The following DTNB variants were observed in gnomAD, a reference collection of about 807,000 sequenced individuals.
DTNB encodes dystrobrevin beta, also known as DTN-B.
Under a neutral mutation model 90.7 loss-of-function variants are expected in DTNB, and 63 were observed. The ratio of observed to expected loss-of-function variants is 0.69; its 90% CI spans 0.57 to 0.86. The LOEUF is 0.86. Ranked by LOEUF, DTNB falls within the 40% of genes least tolerant of loss-of-function variation. The pLI is 0.00. For synonymous variants in DTNB, 277 were observed against 286.7 expected (o/e 0.97, Z 0.34); for missense variants, 744 against 807.1 (o/e 0.92, Z 0.95).
intron 6 of DTNB, among the ~76,000 whole-genome samples, chr2:25,589,384 T>C (rs1318490802): frequency 4.1e-5 from 5 of 121,244 alleles, no homozygotes; most frequent in African/African-American, 1.6e-4. Flanking sequence ...TTTTTTTTTT[T>C]TTTTTTTTTT....
At position 25,432,877 on chromosome 2, in the gene DTNB, C is replaced by T. The variant is rs528771634; in HGVS notation, c.1457+9G>A. The T allele has an allele frequency of 1.1e-4, 167 of 1,587,590 alleles. No homozygotes were observed. The highest frequency in any genetic ancestry group is 1.4e-4 in the Non-Finnish European group (163 of 1,167,822). On this transcript the variant is annotated intron_variant, in intron 14 of 20. Transcript: ENST00000406818. ...TACATGTGGCAAGTGGTAGAGTGTC[C>T]CTACTCACCTCAGCAGCCGCAGCTC...
chr2:25,407,428 C>T (rs1341511055), intron 16 of DTNB, among the ~76,000 whole-genome samples: 1 of 152,126 alleles, frequency 6.6e-6, no homozygotes, highest in Non-Finnish European at 1.5e-5. Context: ...CGGGTATCTA[C>T]CCAAAGGAAA....
At chr2:25,662,436 A>T (rs567485713) in intron 1 of DTNB, among the ~76,000 whole-genome samples, 1 of 152,268 alleles carries the variant, frequency 6.6e-6, no homozygotes, top group African/African-American at 2.4e-5. Flanking sequence ...ATAAAAAATA[A>T]TATTATTTCC....
At chr2:25,644,865 T>G (rs1377455179) in intron 2 of DTNB, among the ~76,000 whole-genome samples, 1 of 152,108 alleles carries the variant, frequency 6.6e-6, no homozygotes, top group Non-Finnish European at 1.5e-5. Flanking sequence ...ATAAAAACCC[T>G]GGGGGACAGA....
intron 10 of DTNB, among the ~76,000 whole-genome samples, chr2:25,467,202 G>A (rs933161738): frequency 1.3e-5 from 2 of 152,098 alleles, no homozygotes; most frequent in Non-Finnish European, 2.9e-5. Flanking sequence ...AATTTCAAAG[G>A]GGCCAACATT....
intron 6 of DTNB, among the ~76,000 whole-genome samples, chr2:25,592,838 C>G (rs144655094): frequency 2.6e-5 from 4 of 152,156 alleles, no homozygotes; most frequent in Non-Finnish European, 4.4e-5. Flanking sequence ...AGAGGACAAA[C>G]GAAATAATCA....
chr2:25,648,832 T>C (rs2080111378), intron 2 of DTNB, among the ~76,000 whole-genome samples: 1 of 152,154 alleles, frequency 6.6e-6, no homozygotes, highest in African/African-American at 2.4e-5. Flanking sequence ...AAAATAATGA[T>C]AATGATTCCT....
chr2:25,523,522 T>G (rs1256406445), intron 9 of DTNB, among the ~76,000 whole-genome samples: 1 of 151,680 alleles, frequency 6.6e-6, no homozygotes, highest in Admixed American at 6.6e-5. Flanking sequence ...GCACTTGTAG[T>G]CCTAGCTACT....
chr2:25,562,053 C>T (rs1328026298), intron 8 of DTNB, among the ~76,000 whole-genome samples: 1 of 152,190 alleles, frequency 6.6e-6, no homozygotes, highest in Non-Finnish European at 1.5e-5. Context: ...TCAGCAGCCA[C>T]TTCCCATTCC....
intron 18 of DTNB, among the ~76,000 whole-genome samples, chr2:25,384,526 A>G (rs1255620823): frequency 6.6e-6 from 1 of 152,180 alleles, no homozygotes; most frequent in Non-Finnish European, 1.5e-5. Context: ...GAAAATGGCC[A>G]CATCCTGGTA....
At chr2:25,547,268 C>T (rs1036669095) in intron 8 of DTNB, among the ~76,000 whole-genome samples, 1 of 144,396 alleles carries the variant, frequency 6.9e-6, no homozygotes, top group Admixed American at 6.9e-5. Flanking sequence ...TACCTGTATA[C>T]TTCTTTTTTT....
intron 1 of DTNB, among the ~76,000 whole-genome samples, chr2:25,671,976 T>C (rs2086019984): frequency 6.6e-6 from 1 of 151,816 alleles, no homozygotes; most frequent in Non-Finnish European, 1.5e-5. Context: ...AATGAAAAAG[T>C]GTTCTCTAGA....
chr2:25,650,034 AGACT>A, intron 2 of DTNB: 1 of 985,440 alleles, frequency 1.0e-6, no homozygotes, highest in Non-Finnish European at 1.2e-6. Flanking sequence ...AACGTCTCCC[AGACT>A]GACTGTTATC....
At chr2:25,536,144 T>C (rs1468661609) in intron 8 of DTNB, among the ~76,000 whole-genome samples, 1 of 134,580 alleles carries the variant, frequency 7.4e-6, no homozygotes, top group Non-Finnish European at 1.6e-5. Flanking sequence ...TCCCAGACGA[T>C]GGGCGGCCAC....
intron 9 of DTNB, among the ~76,000 whole-genome samples, chr2:25,527,627 C>T (rs1006818555): frequency 3.3e-5 from 5 of 151,988 alleles, no homozygotes; most frequent in Admixed American, 6.6e-5. Flanking sequence ...ATATTATGAA[C>T]GTTGTATCAA....
intron 2 of DTNB, chr2:25,650,321 G>T: frequency 1.2e-6 from 1 of 823,334 alleles, no homozygotes; most frequent in Middle Eastern, 6.3e-4. Flanking sequence ...TGTAGCCCTA[G>T]CACCCAGAAT....
intron 4 of DTNB, among the ~76,000 whole-genome samples, chr2:25,615,664 C>T (rs1573460513): frequency 6.6e-6 from 1 of 152,172 alleles, no homozygotes; most frequent in Non-Finnish European, 1.5e-5. Context: ...AAAGATTCTC[C>T]TACAACCCCT....
intron 8 of DTNB, among the ~76,000 whole-genome samples, chr2:25,541,429 C>A (rs2081230293): frequency 6.6e-6 from 1 of 152,114 alleles, no homozygotes; most frequent in South Asian, 2.1e-4. Flanking sequence ...TTGCAGTGAG[C>A]TGAGATCACA....
chr2:25,601,996 C>A (rs1230702424), intron 5 of DTNB, among the ~76,000 whole-genome samples: 1 of 152,078 alleles, frequency 6.6e-6, no homozygotes, highest in Non-Finnish European at 1.5e-5. Context: ...GTGGCACACG[C>A]CTGTAGTCCC....
Sources: gnomAD v4.1 joint callset for allele counts (sites outside exome capture counted in the v4.1 genomes callset) on GRCh38, gnomAD v4.1.1 for gene constraint, MANE v1.5 for transcripts, NCBI Gene and HGNC (gene_info 2026-07-23, HGNC 2026-07-21) for gene names.